KCNK9: variants seen among roughly 807,000 people sequenced by gnomAD.
KCNK9 encodes potassium channel subfamily K member 9.
In KCNK9, 1 loss-of-function variant was observed where a neutral mutation model predicts 10.8. The ratio of observed to expected loss-of-function variants is 0.09; its 90% CI spans 0.03 to 0.44. The LOEUF is 0.44. KCNK9 is among the 20% of genes least tolerant of loss of function. The probability of loss-of-function intolerance (pLI) is 0.97; values close to 1 mark genes in which losing one functional copy is unlikely to be tolerated. For missense variants in KCNK9, 303 were observed against 515.0 expected, an observed-to-expected ratio of 0.59 and a Z score of 3.98; for synonymous variants, 231 against 222.7, an observed-to-expected ratio of 1.04 and a Z score of -0.33.
chr8:139,670,956 C>T (rs757802132), intron 1 of KCNK9, among the ~76,000 whole-genome samples: 58 of 152,166 alleles, frequency 3.8e-4, no homozygotes, highest in Admixed American at 1.9e-3. Context: ...GCCTGTGACG[C>T]GCACCTGCAG....
chr8:139,631,547 G>T (rs1815171461), intron 1 of KCNK9, among the ~76,000 whole-genome samples: 2 of 152,182 alleles, frequency 1.3e-5, no homozygotes, highest in Non-Finnish European at 2.9e-5. Context: ...AGAGAAACCT[G>T]CATTTTCCTG....
downstream of KCNK9, among the ~76,000 whole-genome samples, chr8:139,608,362 A>G (rs1814303778): frequency 6.6e-6 from 1 of 152,232 alleles, no homozygotes; most frequent in Admixed American, 6.5e-5. Context: ...CATCTGCAGA[A>G]CAGGGGTTTC....
At chr8:139,655,475 G>A (rs1010260589) in intron 1 of KCNK9, among the ~76,000 whole-genome samples, 6 of 152,152 alleles carry the variant, frequency 3.9e-5, no homozygotes, top group African/African-American at 1.4e-4. Context: ...GGGAGGAAGG[G>A]GCATGGGAGG....
chr8:139,671,851 G>A (rs999704604), intron 1 of KCNK9, among the ~76,000 whole-genome samples: 32 of 152,220 alleles, frequency 2.1e-4, no homozygotes, highest in African/African-American at 6.5e-4. Flanking sequence ...GTGAGCCACC[G>A]CACCCGGCCA....
chr8:139,657,004 T>C (rs741470), intron 1 of KCNK9, among the ~76,000 whole-genome samples: 23,959 of 152,066 alleles, frequency 0.16, 3,085 homozygotes, highest in East Asian at 0.56. Context: ...AAACCCACCA[T>C]TTGCCCCCTC....
At chr8:139,609,238 G>GCCCCC (rs1334845811), downstream of KCNK9, among the ~76,000 whole-genome samples, 134 of 93,592 alleles carry the variant, frequency 1.4e-3, 3 homozygotes, top group African/African-American at 2.5e-3. Context: ...GGGGTGCTCT[G>GCCCCC]CCCCCCCACC....
chr8:139,639,590 G>A (rs1465156565), intron 1 of KCNK9, among the ~76,000 whole-genome samples: 2 of 152,244 alleles, frequency 1.3e-5, no homozygotes, highest in Admixed American at 6.5e-5. Context: ...CCAGCGCTGG[G>A]GGTCTGGAGT....
chr8:139,619,707 T>C (rs1814719333), intron 1 of KCNK9, among the ~76,000 whole-genome samples: 1 of 152,212 alleles, frequency 6.6e-6, no homozygotes. Flanking sequence ...GCTTGATTTC[T>C]TCAGAGTTGG....
At chr8:139,696,528 C>T (rs750519942) in intron 1 of KCNK9, among the ~76,000 whole-genome samples, 4 of 152,172 alleles carry the variant, frequency 2.6e-5, no homozygotes, top group African/African-American at 4.8e-5. Flanking sequence ...TGCTCACCAC[C>T]GTGTGCCTCC....
intron 1 of KCNK9, among the ~76,000 whole-genome samples, chr8:139,623,686 G>A (rs1302272379): frequency 6.6e-6 from 1 of 152,116 alleles, no homozygotes; most frequent in Non-Finnish European, 1.5e-5. Flanking sequence ...CTACAGGGTG[G>A]TGACCTTCTC....
intron 1 of KCNK9, among the ~76,000 whole-genome samples, chr8:139,654,719 C>G (rs1416137348): frequency 6.6e-6 from 1 of 152,218 alleles, no homozygotes; most frequent in Non-Finnish European, 1.5e-5. Context: ...GCATTACATG[C>G]CACACTGGTT....
In KCNK9 at chr8:139,617,443, C is replaced by T. The variant is rs982543126; in HGVS notation, c.*815G>A. Reference sequence around the variant, plus strand: ...CCATTTCTAGTTTTTTTGTTGATAGCGCATACCAGTTTAACAAAGTGCATG... The same window carrying T: ...CCATTTCTAGTTTTTTTGTTGATAGTGCATACCAGTTTAACAAAGTGCATG... On this transcript the variant is annotated 3_prime_UTR_variant, in exon 2 of 2. Coordinates refer to ENST00000520439, the MANE Select transcript of KCNK9 (RefSeq NM_001282534.2). 5.9e-5 allele frequency among the ~76,000 whole-genome samples: 9 copies of T among 152,078 alleles called. No individual in the cohort carries two copies. The highest frequency in any genetic ancestry group is 1.9e-4 in the African/African-American group (8 of 41,410).
Position 139,702,677 on chromosome 8 carries a change from G to A in KCNK9, c.283+33C>T. 3.8e-6 allele frequency: 6 copies of A among 1,582,272 alleles called. No homozygotes were observed. The South Asian group carries it at 6.8e-5, about 18-fold the overall frequency. On this transcript the variant is annotated intron_variant, in intron 1 of 1. Transcript: ENST00000520439. This position sits in a 1 kb window ranked among gnomAD's most constrained non-coding sequence, Gnocchi z 7.5. ...GCCGCCTCCCCGGACTCCTCCCGGG[G>A]CGCGGGAGCCCAGCGGCGCGCCCAG...
At chr8:139,700,930 T>C (rs1021016504) in intron 1 of KCNK9, among the ~76,000 whole-genome samples, 2 of 152,194 alleles carry the variant, frequency 1.3e-5, no homozygotes, top group African/African-American at 4.8e-5. Context: ...GCCAAGCATT[T>C]TATGTGCCTG....
chr8:139,664,187 G>A (rs773480800), intron 1 of KCNK9, among the ~76,000 whole-genome samples: 10 of 152,222 alleles, frequency 6.6e-5, no homozygotes, highest in Non-Finnish European at 1.5e-4. Flanking sequence ...TGTGACCTTG[G>A]TCAAGTCTGT....
intron 1 of KCNK9, among the ~76,000 whole-genome samples, chr8:139,625,285 C>G (rs956571438): frequency 5.9e-5 from 9 of 152,214 alleles, no homozygotes; most frequent in African/African-American, 1.9e-4. Context: ...CTCCCAGCCC[C>G]GGACCCTGGT....
At position 139,702,577 on chromosome 8, in the gene KCNK9, C is replaced by T. The variant is rs1209086444; in HGVS notation, c.283+133G>A. 7.8e-6 allele frequency: 7 copies of T among 895,194 alleles called. No individual in the cohort carries two copies. The East Asian group carries it at 1.4e-4, about 17-fold the overall frequency. 55.5% of individuals were successfully genotyped at this position (895,194 alleles called of 1,614,324 possible). A position where few individuals can be genotyped will look rare whatever the true frequency, so the allele number is the denominator to read the frequency against. On this transcript the variant is annotated intron_variant, in intron 1 of 1. Transcript: ENST00000520439. This position sits in a 1 kb window ranked among gnomAD's most constrained non-coding sequence, Gnocchi z 7.5. ...GGGGGGCTCCCTAGAGAGGAGGGGG[C>T]GCTGCGGGAAGGCCCCCAAGGGAGG...
chr8:139,631,933 G>C (rs747408906), intron 1 of KCNK9, among the ~76,000 whole-genome samples: 6 of 152,234 alleles, frequency 3.9e-5, no homozygotes, highest in Non-Finnish European at 7.3e-5. Context: ...GGAACAGGCA[G>C]AGTTCACCCT....
chr8:139,631,420 TGC>T (rs1815168051), intron 1 of KCNK9, among the ~76,000 whole-genome samples: 1 of 152,186 alleles, frequency 6.6e-6, no homozygotes, highest in Admixed American at 6.5e-5. Context: ...CCCCTAGCCC[TGC>T]GCAAAGCACG....
Sources: allele counts gnomAD v4.1 joint callset (sites outside exome capture counted in the v4.1 genomes callset), GRCh38; gene constraint gnomAD v4.1.1; non-coding constraint Gnocchi (gnomAD v3.1); transcripts MANE v1.5; gene names NCBI Gene and HGNC (gene_info 2026-07-23, HGNC 2026-07-21).